Variants in LRRC56 observed in about 807,000 individuals in gnomAD.
LRRC56 encodes leucine rich repeat containing 56, also known as leucine-rich repeat-containing protein 56.
A neutral mutation model predicts 47.8 loss-of-function variants in LRRC56; 41 were observed. The ratio of observed to expected loss-of-function variants is 0.86; its 90% confidence interval spans 0.67 to 1.11. The LOEUF is 1.11. Among genes scored for constraint, LRRC56 ranks in the 50% most tolerant of loss-of-function variants. LRRC56 has a pLI of 0.00. For synonymous variants in LRRC56, 387 were observed against 311.2 expected (o/e 1.24, Z -2.56); for missense variants, 759 against 704.2 (o/e 1.08, Z -0.88).
At chr11:552,351 CT>C (rs1852446719) in intron 12 of LRRC56, 119 bp downstream of exon 12, 3 of 1,409,888 alleles carry the variant, frequency 2.1e-6, no homozygotes, top group Non-Finnish European at 2.9e-6. Context: ...CCTGCATGTC[CT>C]GTCCCGTGGG....
the LRRC56 span, among the ~76,000 whole-genome samples, chr11:518,457 C>T: frequency 6.6e-6 from 1 of 152,188 alleles, no homozygotes; most frequent in Non-Finnish European, 1.5e-5. Flanking sequence ...CTTGGGATTA[C>T]AGGCGTGAGC....
chr11:514,053 A>G, the LRRC56 span, among the ~76,000 whole-genome samples: 1 of 151,890 alleles, frequency 6.6e-6, no homozygotes, highest in Non-Finnish European at 1.5e-5. Flanking sequence ...ATGTAGTGGC[A>G]CCATCTCGGC....
intron 5 of LRRC56, among the ~76,000 whole-genome samples, chr11:542,149 G>A (rs1255700864): frequency 8.4e-6 from 1 of 119,610 alleles, no homozygotes; most frequent in East Asian, 2.6e-4. Context: ...CCCCCGGCAC[G>A]CTCAGTGCCC....
chr11:554,173 G>T lies in LRRC56; in HGVS notation c.1526G>T (p.Ser509Ile), dbSNP rs1419535546. ...LRALEVASRL[S>I]PRAQGCPGPK... ...GCCCTGGAGGTGGCCTCACGCCTGA[G>T]CCCTCGAGCCCAGGGATGTCCTGGC... The change falls in exon 14 of 14, where the codon AGC becomes ATC. Residue 509 changes from serine (S) to isoleucine (I), a missense_variant. Ser to Ile is a moderately radical substitution (Grantham distance 142). Transcript: ENST00000270115. 5.1e-6 allele frequency: 8 copies of T among 1,578,994 alleles called. No individual in the cohort carries two copies. The highest frequency in any genetic ancestry group is 6.9e-6 in the Non-Finnish European group (8 of 1,163,868).
At chr11:533,429 C>T (rs1371241893), upstream of LRRC56, 1 of 1,611,662 alleles carries the variant, frequency 6.2e-7, no homozygotes, top group Non-Finnish European at 8.5e-7. Flanking sequence ...CCCTGGCTAG[C>T]TGTGGGGTGG....
At chr11:544,612 C>T in intron 5 of LRRC56, 108 bp from the exon 6 acceptor site, 4 of 1,159,544 alleles carry the variant, frequency 3.4e-6, no homozygotes, top group South Asian at 2.5e-5. Context: ...GTGAGGCTGG[C>T]CCACGAGCAG....
chr11:543,660 G>A (rs1467937043), intron 5 of LRRC56, among the ~76,000 whole-genome samples: 2 of 152,190 alleles, frequency 1.3e-5, no homozygotes, highest in Non-Finnish European at 2.9e-5. Context: ...TGACCATTGT[G>A]TGTGGCTAAC....
intron 5 of LRRC56, 79 bp from the exon 6 acceptor site, chr11:544,641 G>A: frequency 6.8e-7 from 1 of 1,465,548 alleles, no homozygotes; most frequent in Non-Finnish European, 9.5e-7. Flanking sequence ...CGGGGGTGCT[G>A]ATGCCTAGGG....
rs1438626331 is a variant in LRRC56 at position 537,550 on chromosome 11, G to A, written c.-477G>A. 6.6e-6 allele frequency: 1 copy of A among 152,312 alleles called. No homozygotes were observed. The highest frequency in any genetic ancestry group is 1.9e-4 in the East Asian group (1 of 5,204). The allele number at this position is 152,312 out of a possible 1,614,324, so 9.4% of individuals were successfully genotyped here. A position where few individuals can be genotyped will look rare whatever the true frequency, so the allele number is the denominator to read the frequency against. On this transcript the variant is annotated 5_prime_UTR_variant, in exon 1 of 14. The change creates a new upstream start codon in the 5' untranslated region. Coordinates refer to ENST00000270115, the MANE Select transcript of LRRC56 (RefSeq NM_198075.4). ...CTGGAGTAGGAGACAGCGCCTGGAG[G>A]TGGAGGGCGCCCAGGGCCGAGCTGC... is the stretch of plus-strand genomic sequence containing the variant.
At chr11:523,044 G>T in the LRRC56 span, among the ~76,000 whole-genome samples, 41 of 151,634 alleles carry the variant, frequency 2.7e-4, no homozygotes, top group East Asian at 2.3e-3. Flanking sequence ...GTTTTGTTTT[G>T]TTGAGACTGA....
chr11:524,402 C>T, the LRRC56 span, among the ~76,000 whole-genome samples: 6 of 152,092 alleles, frequency 3.9e-5, no homozygotes, highest in Non-Finnish European at 2.9e-5. Flanking sequence ...GAGGCTGAGG[C>T]GGGTGGTTCA....
At position 552,151 on chromosome 11, in the gene LRRC56, C is replaced by G; in HGVS notation, c.1100C>G (p.Ser367Cys). 1.2e-6 allele frequency: 2 copies of G among 1,612,804 alleles called. No homozygotes were observed. Among genetic ancestry groups the G allele is most frequent in the East Asian group, 2.2e-5 (1 of 44,894 alleles). ...HRPGDPAASTSTPEPDPADSS... is the reference protein window; with the variant it reads ...HRPGDPAASTCTPEPDPADSS... ...CCAGGAGATCCGGCCGCCAGCACTT[C>G]CACCCCAGAGCCTGACCCTGCAGAC... The change falls in exon 12 of 14, where the codon TCC (serine) becomes TGC (cysteine). Residue 367 changes from serine to cysteine, a missense_variant. Ser to Cys is a moderately radical substitution (Grantham distance 112). Transcript: ENST00000270115.
chr11:532,788 G>A (rs202082236), upstream of LRRC56: 114 of 1,606,844 alleles, frequency 7.1e-5, no homozygotes, highest in Middle Eastern at 1.7e-4. Context: ...AGGAGGGACC[G>A]GCCTGTGGCC....
At chr11:550,045 C>G in intron 7 of LRRC56, 27 bp from the exon 8 acceptor site, 4 of 1,611,362 alleles carry the variant, frequency 2.5e-6, no homozygotes, top group Non-Finnish European at 3.4e-6. Context: ...TGGGCCGGGC[C>G]CTGGCTCAGA....
At position 541,495 on chromosome 11, in the gene LRRC56, G is replaced by A; in HGVS notation, c.178-42G>A. 8.4e-7 allele frequency: 1 copy of A among 1,196,858 alleles called. No homozygotes were observed. Among genetic ancestry groups the A allele is most frequent in the East Asian group, 2.7e-5 (1 of 37,174 alleles). The allele number at this position is 1,196,858 out of a possible 1,614,324, so 74.1% of individuals were successfully genotyped here. On this transcript the variant is annotated intron_variant, in intron 4 of 13. Coordinates refer to ENST00000270115, the MANE Select transcript of LRRC56 (RefSeq NM_198075.4). This position sits in a 1 kb window ranked among gnomAD's most constrained non-coding sequence, Gnocchi z 4.1. Reference sequence around the variant, plus strand: ...AGAAGCAAGGATGGAACTAAAGTGGGGAGAGCCAGGACCAGCGCTGACCCC... The same window carrying A: ...AGAAGCAAGGATGGAACTAAAGTGGAGAGAGCCAGGACCAGCGCTGACCCC...
chr11:533,241 G>A (rs987573295), upstream of LRRC56: 58 of 1,523,896 alleles, frequency 3.8e-5, no homozygotes, highest in Admixed American at 5.8e-5. Flanking sequence ...CCCGGCCCTC[G>A]CCTCCCTCAC....
At position 544,772 on chromosome 11, in the gene LRRC56, C is replaced by T. The variant is rs780685630; in HGVS notation, c.318C>T (p.Gly106=). Residue 106 remains glycine, a synonymous_variant, in exon 6 of 14, where the codon GGC becomes GGT. Coordinates refer to ENST00000270115, the MANE Select transcript of LRRC56 (RefSeq NM_198075.4). Reference sequence around the variant, plus strand: ...TGAAGCTGAACGGCAGCCACCTGGGCTCCCTGAGGTGAGCGCCTGAGGGGG... The same window carrying T: ...TGAAGCTGAACGGCAGCCACCTGGGTTCCCTGAGGTGAGCGCCTGAGGGGG... The part of the protein sequence containing the change: ...DQLKLNGSHL[G]SLRDLGTSLG... 1 of 1,612,066 alleles carries T rather than the reference C, an allele frequency of 6.2e-7. No homozygotes were observed.
the LRRC56 span, among the ~76,000 whole-genome samples, chr11:518,859 C>G: frequency 8.0e-3 from 1,213 of 151,706 alleles, 8 homozygotes; most frequent in Middle Eastern, 0.014. Context: ...CGAGCGAGGC[C>G]GGGACTCGGG....
At chr11:551,614 T>C in intron 9 of LRRC56, 37 bp from the exon 10 acceptor site, 1 of 1,524,040 alleles carries the variant, frequency 6.6e-7, no homozygotes, top group South Asian at 1.3e-5. Context: ...GCTCTCAGGC[T>C]GGGCCTTGGT....
Sources: allele counts gnomAD v4.1 joint callset (sites outside exome capture counted in the v4.1 genomes callset), GRCh38; gene constraint gnomAD v4.1.1; non-coding constraint Gnocchi (gnomAD v3.1); transcripts MANE v1.5; gene names NCBI Gene and HGNC (gene_info 2026-07-23, HGNC 2026-07-21).